The following ANOS1 variants were observed in gnomAD, a reference collection of about 807,000 sequenced individuals.
ANOS1 encodes the protein anosmin 1.
ANOS1 carries 6 observed loss-of-function variants against 59.0 expected under a neutral mutation model. The ratio of observed to expected loss-of-function variants is 0.10; its 90% CI spans 0.06 to 0.20. The LOEUF (loss-of-function observed/expected upper bound fraction) is 0.20. ANOS1 is among the 10% of genes least tolerant of loss of function. The pLI is 1.00. For missense variants in ANOS1, 433 were observed against 542.3 expected (o/e 0.80, Z 2.00); for synonymous variants, 217 against 223.4 (o/e 0.97, Z 0.25).
At chrX:8,663,095 G>A (rs1372316765) in intron 2 of ANOS1, among the ~76,000 whole-genome samples, 2 of 111,675 alleles carry the variant, frequency 1.8e-5, no homozygotes, top group Non-Finnish European at 1.9e-5. Context: ...GCCAAGGAGA[G>A]AAGCCTGGAA....
intron 3 of ANOS1, among the ~76,000 whole-genome samples, chrX:8,614,255 A>C (rs764630879): frequency 9.8e-5 from 11 of 112,099 alleles, no homozygotes; most frequent in Non-Finnish European, 2.1e-4. Flanking sequence ...CAGTCTTTCC[A>C]AGGTAAAACA....
chrX:8,584,674 A>G (rs1273031988), intron 6 of ANOS1, among the ~76,000 whole-genome samples: 2 of 111,887 alleles, frequency 1.8e-5, no homozygotes, highest in African/African-American at 6.5e-5. Flanking sequence ...AAACTTGAAG[A>G]TATTATTAAT....
At position 8,686,519 on chromosome X, in the gene ANOS1, G is replaced by A. The variant is rs374327661; in HGVS notation, c.255+13179C>T. On this transcript the variant is annotated intron_variant, in intron 2 of 13. Coordinates refer to ENST00000262648, the MANE Select transcript of ANOS1 (RefSeq NM_000216.4). ...TCAGCACACTTGTTAAAGACAGGCT[G>A]TTTGATTTAAGTTTTAGCTTTCTAA... is the stretch of plus-strand genomic sequence containing the variant. Among the ~76,000 whole-genome samples, 4 of 112,416 alleles carry A rather than the reference G, an allele frequency of 3.6e-5. No individual in the cohort carries two copies. The East Asian group carries it at 8.3e-4, about 23-fold the overall frequency.
intron 8 of ANOS1, among the ~76,000 whole-genome samples, chrX:8,567,366 A>G (rs1930133915): frequency 8.9e-6 from 1 of 111,852 alleles, no homozygotes; most frequent in East Asian, 2.8e-4. Context: ...GGCATGCCAC[A>G]CCACTTTTTG....
At chrX:8,657,276 A>G (rs1257143140) in intron 2 of ANOS1, among the ~76,000 whole-genome samples, 2 of 111,474 alleles carry the variant, frequency 1.8e-5, no homozygotes, top group African/African-American at 3.3e-5. Flanking sequence ...TACCCTGTGA[A>G]CTCCTCTTTT....
intron 1 of ANOS1, among the ~76,000 whole-genome samples, chrX:8,725,411 C>G (rs936735353): frequency 9.2e-5 from 10 of 108,877 alleles, no homozygotes; most frequent in African/African-American, 3.3e-4. Flanking sequence ...ATGATAACCT[C>G]CAAATTTATG....
chrX:8,572,817 G>A (rs1382641792), intron 6 of ANOS1, among the ~76,000 whole-genome samples: 1 of 111,287 alleles, frequency 9.0e-6, no homozygotes, highest in African/African-American at 3.3e-5. Context: ...GTAATATGAG[G>A]TAGATGACCT....
chrX:8,531,637 T>G lies in ANOS1; in HGVS notation c.*1358A>C, dbSNP rs1252058108. The G allele has an allele frequency of 9.0e-6, 1 of 111,476 alleles. No individual in the cohort carries two copies. Among genetic ancestry groups the G allele is most frequent in the African/African-American group, 3.3e-5 (1 of 30,714 alleles). The allele number at this position is 111,476 out of a possible 1,213,427, so 9.2% of individuals were successfully genotyped here. Reference sequence around the variant, plus strand: ...CCATTGGTGAGCTACGAAAACGATTTCTCCAGGGATTCATGCTCAAGGTAT... The same window carrying G: ...CCATTGGTGAGCTACGAAAACGATTGCTCCAGGGATTCATGCTCAAGGTAT... On this transcript the variant is annotated 3_prime_UTR_variant, in exon 14 of 14. Coordinates refer to ENST00000262648, the MANE Select transcript of ANOS1 (RefSeq NM_000216.4).
At chrX:8,731,056 A>G (rs1387431317) in intron 1 of ANOS1, among the ~76,000 whole-genome samples, 1 of 112,267 alleles carries the variant, frequency 8.9e-6, no homozygotes, top group Non-Finnish European at 1.9e-5. Context: ...CCTCAGGCTG[A>G]AAGAACCTAC....
chrX:8,653,254 C>T (rs1236581810), intron 2 of ANOS1, among the ~76,000 whole-genome samples: 1 of 111,570 alleles, frequency 9.0e-6, no homozygotes, highest in African/African-American at 3.3e-5. Context: ...TTATCATCTG[C>T]TCACCTCTTC....
intron 3 of ANOS1, among the ~76,000 whole-genome samples, chrX:8,612,919 C>T (rs1033162301): frequency 9.0e-6 from 1 of 111,620 alleles, no homozygotes; most frequent in Non-Finnish European, 1.9e-5. Flanking sequence ...GCTTCTACTT[C>T]TTAGAGAAGA....
intron 6 of ANOS1, among the ~76,000 whole-genome samples, chrX:8,581,563 T>C (rs1333393541): frequency 8.9e-6 from 1 of 111,803 alleles, no homozygotes; most frequent in Non-Finnish European, 1.9e-5. Flanking sequence ...GTAGATTCCA[T>C]TATGTTTTCC....
At chrX:8,720,155 C>T (rs1219062617) in intron 1 of ANOS1, among the ~76,000 whole-genome samples, 1 of 111,744 alleles carries the variant, frequency 8.9e-6, no homozygotes, top group African/African-American at 3.3e-5. Context: ...AAACAAAAGG[C>T]AATGAAGCAA....
chrX:8,682,694 A>G (rs894081289), intron 2 of ANOS1, among the ~76,000 whole-genome samples: 5 of 111,258 alleles, frequency 4.5e-5, no homozygotes, highest in Non-Finnish European at 9.4e-5. Flanking sequence ...CCCACGCTGT[A>G]TTACCTCTCC....
chrX:8,679,364 A>G (rs759843643), intron 2 of ANOS1, among the ~76,000 whole-genome samples: 2 of 111,205 alleles, frequency 1.8e-5, no homozygotes, highest in South Asian at 7.8e-4. Flanking sequence ...ATTCATAGAG[A>G]AGGAAATTAG....
At chrX:8,693,506 G>A (rs747584744) in intron 2 of ANOS1, among the ~76,000 whole-genome samples, 15 of 111,335 alleles carry the variant, frequency 1.3e-4, no homozygotes, top group Non-Finnish European at 2.3e-4. Context: ...TTAAGACCAT[G>A]AGCAGAGCCT....
intron 7 of ANOS1, among the ~76,000 whole-genome samples, chrX:8,568,876 T>C (rs753429680): frequency 3.6e-5 from 4 of 111,485 alleles, no homozygotes; most frequent in Admixed American, 2.9e-4. Context: ...GCCAAATGTA[T>C]TTTGAAATAC....
At chrX:8,594,105 G>C (rs1333859168) in intron 4 of ANOS1, among the ~76,000 whole-genome samples, 1 of 111,309 alleles carries the variant, frequency 9.0e-6, no homozygotes, top group African/African-American at 3.3e-5. Context: ...AAATCACTTA[G>C]GCATAGCCTG....
intron 8 of ANOS1, among the ~76,000 whole-genome samples, chrX:8,561,368 C>T (rs1319038884): frequency 2.7e-5 from 3 of 109,907 alleles, no homozygotes; most frequent in Non-Finnish European, 5.7e-5. Flanking sequence ...GGTGCGATCT[C>T]GGCTCACTGC....
Sources: allele counts gnomAD v4.1 joint callset (sites outside exome capture counted in the v4.1 genomes callset), GRCh38; gene constraint gnomAD v4.1.1; transcripts MANE v1.5; gene names NCBI Gene and HGNC (gene_info 2026-07-23, HGNC 2026-07-21).